CD1C: variants seen among roughly 807,000 people sequenced by gnomAD.
CD1C encodes the protein CD1c molecule, also known as T-cell surface glycoprotein CD1c.
In CD1C, 47 loss-of-function variants were observed where a neutral mutation model predicts 39.4. The ratio of observed to expected loss-of-function variants is 1.19; its 90% confidence interval spans 0.94 to 1.52. The LOEUF (loss-of-function observed/expected upper bound fraction) is 1.52. Ranked by LOEUF, CD1C falls within the 40% of genes most tolerant of loss-of-function variation. CD1C has a pLI of 0.00. For synonymous variants in CD1C, 165 were observed against 150.8 expected (o/e 1.09, Z -0.69); for missense variants, 417 against 395.2 (o/e 1.06, Z -0.47).
chr1:158,291,962 T>C, intron 2 of CD1C, 122 bp from the exon 3 acceptor site: 4 of 920,676 alleles, frequency 4.3e-6, no homozygotes, highest in Non-Finnish European at 6.6e-6. Flanking sequence ...AATATGTCTT[T>C]GGCTCACTCT....
chr1:158,290,172 G>T (rs1362001422), intron 1 of CD1C, 47 bp downstream of exon 1: 1 of 1,559,306 alleles, frequency 6.4e-7, no homozygotes, highest in East Asian at 2.2e-5. Flanking sequence ...TCTGGGTAGA[G>T]TGTGCTGGGC....
At position 158,292,694 on chromosome 1, in the gene CD1C, G is replaced by T. The variant is rs768221526; in HGVS notation, c.709G>T (p.Val237Leu). The change falls in exon 4 of 6, where the codon GTG becomes TTG. Residue 237 changes from valine (V) to leucine (L), a missense_variant. Coordinates refer to ENST00000368170, the MANE Select transcript of CD1C (RefSeq NM_001765.3). ...CGGCTTCTACCCAAAGCCTGTTTGG[G>T]TGACATGGATGCGGAATGAACAGGA... ...ASGFYPKPVW[V>L]TWMRNEQEQL... 6 of 1,614,006 alleles carry T rather than the reference G, an allele frequency of 3.7e-6. No individual in the cohort carries two copies. The highest frequency in any genetic ancestry group is 2.2e-5 in the East Asian group (1 of 44,898).
rs575932648 is a variant in CD1C, at chr1:158,292,066, A to C, written c.329-18A>C. On this transcript the variant is annotated intron_variant, in intron 2 of 5. Coordinates refer to ENST00000368170, the MANE Select transcript of CD1C (RefSeq NM_001765.3). ...CTTTTTTGTTTGAACTCTTTTTCTC[A>C]TTCCTCCCTTCCTCCAGATCCCTTT... 2.5e-6 allele frequency: 4 copies of C among 1,594,196 alleles called. No homozygotes were observed. The highest frequency in any genetic ancestry group is 2.7e-5 in the African/African-American group (2 of 73,472).
At position 158,292,654 on chromosome 1, in the gene CD1C, G is replaced by A. The variant is rs536842285; in HGVS notation, c.669G>A (p.Leu223=). 6.2e-7 allele frequency: 1 copy of A among 1,613,698 alleles called. No homozygotes were observed. The highest frequency in any genetic ancestry group is 1.1e-5 in the South Asian group (1 of 91,046). Residue 223 remains leucine (L), a synonymous_variant, in exon 4 of 6, where the codon CTG becomes CTA. Transcript: ENST00000368170. ...GCCTTGGGTCTGGCCAGCTGTTGCT[G>A]GTTTGTCATGCCTCCGGCTTCTACC... ...RPSLGSGQLL[L]VCHASGFYPK...
At position 158,294,530 on chromosome 1, in the gene CD1C, G is replaced by A. The variant is rs545814946; in HGVS notation, c.*1054G>A. ...AAAATTTTAAATAGATTTTATTGAT[G>A]TATAATTTATAGTAAAATTTGAATC... On this transcript the variant is annotated 3_prime_UTR_variant, in exon 6 of 6. Coordinates refer to ENST00000368170, the MANE Select transcript of CD1C (RefSeq NM_001765.3). Among the ~76,000 whole-genome samples the A allele has an allele frequency of 2.2e-3, 342 of 152,204 alleles. 2 individuals carry two copies. The highest frequency in any genetic ancestry group is 8.0e-3 in the African/African-American group (334 of 41,534).
At position 158,291,203 on chromosome 1, in the gene CD1C, G is replaced by A; in HGVS notation, c.131G>A (p.Gly44Asp). 3 of 1,613,816 alleles carry A rather than the reference G, an allele frequency of 1.9e-6. No individual in the cohort carries two copies. The highest frequency in any genetic ancestry group is 2.5e-6 in the Non-Finnish European group (3 of 1,179,926). ...FSFVNQSWAR[G>D]QGSGWLDELQ... ...TTTGTCAACCAATCCTGGGCACGAGGTCAGGGCTCAGGATGGCTGGACGAG... is the reference window on the plus strand; with the variant it reads ...TTTGTCAACCAATCCTGGGCACGAGATCAGGGCTCAGGATGGCTGGACGAG... The change falls in exon 2 of 6, where the codon GGT becomes GAT. Residue 44 changes from glycine to aspartate, a missense_variant. Physicochemically the swap from Gly to Asp is moderately conservative, Grantham distance 94. Coordinates refer to ENST00000368170, the MANE Select transcript of CD1C (RefSeq NM_001765.3).
Position 158,294,456 on chromosome 1 carries a change from A to G in CD1C, c.*980A>G, listed in dbSNP as rs191857977. ...TGAAGTTGCAATGTTTGCTTCCTCA[A>G]TCTGTCCATGTTTCTTTTCTATTGT... On this transcript the variant is annotated 3_prime_UTR_variant, in exon 6 of 6. Transcript: ENST00000368170. Among the ~76,000 whole-genome samples, 8 of 152,296 alleles carry G rather than the reference A, an allele frequency of 5.3e-5. No individual in the cohort carries two copies. The East Asian group carries it at 1.5e-3, about 29-fold the overall frequency.
chr1:158,291,529 T>A, intron 2 of CD1C, 129 bp downstream of exon 2: 1 of 914,106 alleles, frequency 1.1e-6, no homozygotes, highest in Non-Finnish European at 1.7e-6. Flanking sequence ...ATGAACCTTT[T>A]AAGGGATATT....
chr1:158,291,145 C>G lies in CD1C; in HGVS notation c.73C>G (p.His25Asp). 1 of 1,612,226 alleles carries G rather than the reference C, an allele frequency of 6.2e-7. No homozygotes were observed. The highest frequency in any genetic ancestry group is 8.5e-7 in the Non-Finnish European group (1 of 1,179,180). Residue 25 changes from histidine (H) to aspartate (D), a missense_variant, in exon 2 of 6, where the codon CAC becomes GAC. Coordinates refer to ENST00000368170, the MANE Select transcript of CD1C (RefSeq NM_001765.3). Reference sequence around the variant, plus strand: ...TCTTCCACCAAAAGCATCCCAGGAACACGTCTCCTTCCATGTCATCCAGAT... The same window carrying G: ...TCTTCCACCAAAAGCATCCCAGGAAGACGTCTCCTTCCATGTCATCCAGAT... ...GGDNADASQEHVSFHVIQIFS... is the reference protein window; with the variant it reads ...GGDNADASQEDVSFHVIQIFS...
chr1:158,293,362 C>T (rs1651122101), intron 5 of CD1C, 60 bp downstream of exon 5: 4 of 1,591,536 alleles, frequency 2.5e-6, no homozygotes, highest in Middle Eastern at 1.7e-4. Flanking sequence ...CCATTTTTCA[C>T]TCTCTTAGCT....
At chr1:158,293,145 T>C in intron 4 of CD1C, 67 bp from the exon 5 acceptor site, 1 of 1,246,188 alleles carries the variant, frequency 8.0e-7, no homozygotes, top group Non-Finnish European at 1.2e-6. Context: ...AGTAAGGAAA[T>C]CAATAGATGG....
Position 158,293,205 on chromosome 1 carries a change from T to A in CD1C, c.890-7T>A, listed in dbSNP as rs756738151. ...ATGGCATCCATGTATCTTTCCAATA[T>A]GTGCAGGACACCACTTTTCCATGAA... On this transcript the variant is annotated splice_polypyrimidine_tract_variant and splice_region_variant and intron_variant, in intron 4 of 5. Coordinates refer to ENST00000368170, the MANE Select transcript of CD1C (RefSeq NM_001765.3). 6.2e-7 allele frequency: 1 copy of A among 1,603,078 alleles called. No homozygotes were observed. Among genetic ancestry groups the A allele is most frequent in the Non-Finnish European group, 8.5e-7 (1 of 1,173,040 alleles).
chr1:158,290,521 G>T (rs933994075), intron 1 of CD1C, among the ~76,000 whole-genome samples: 1 of 152,190 alleles, frequency 6.6e-6, no homozygotes, highest in Non-Finnish European at 1.5e-5. Context: ...ATAAGATGGA[G>T]CTTAGTGGGA....
chr1:158,291,210 C>T lies in CD1C; in HGVS notation c.138C>T (p.Gly46=). The T allele has an allele frequency of 6.2e-7, 1 of 1,613,960 alleles. No homozygotes were observed. The change falls in exon 2 of 6, where the codon GGC becomes GGT. Residue 46 remains glycine (G), a synonymous_variant. Transcript: ENST00000368170. ...FVNQSWARGQ[G]SGWLDELQTH... The stretch of plus-strand genomic sequence containing the variant: ...ACCAATCCTGGGCACGAGGTCAGGG[C>T]TCAGGATGGCTGGACGAGTTGCAGA...
In CD1C at chr1:158,292,328, T is replaced by C. The variant is rs548847032; in HGVS notation, c.573T>C (p.Gly191=). ...IRSTCPRFLL[G]LLDAGKMYVH... is the part of the protein sequence containing the mutation. Reference sequence around the variant, plus strand: ...GCACTTGCCCCCGATTTCTCTTGGGTCTCCTGGATGCAGGGAAGATGTATG... The same window carrying C: ...GCACTTGCCCCCGATTTCTCTTGGGCCTCCTGGATGCAGGGAAGATGTATG... Residue 191 remains glycine (G), a synonymous_variant, in exon 3 of 6, where the codon GGT becomes GGC. Transcript: ENST00000368170. 9 of 1,614,004 alleles carry C rather than the reference T, an allele frequency of 5.6e-6. No individual in the cohort carries two copies. The highest frequency in any genetic ancestry group is 7.6e-6 in the Non-Finnish European group (9 of 1,180,018).
At chr1:158,293,403 A>T in intron 5 of CD1C, 52 bp from the exon 6 acceptor site, 3 of 1,605,506 alleles carry the variant, frequency 1.9e-6, no homozygotes, top group Non-Finnish European at 2.6e-6. Context: ...CCTTATCCTC[A>T]GTTACCACCT....
In CD1C at chr1:158,290,047, G is replaced by T; in HGVS notation, c.-18G>T. The T allele has an allele frequency of 6.2e-7, 1 of 1,613,216 alleles. No individual in the cohort carries two copies. Among genetic ancestry groups the T allele is most frequent in the South Asian group, 1.1e-5 (1 of 91,016 alleles). On this transcript the variant is annotated 5_prime_UTR_variant, in exon 1 of 6. Coordinates refer to ENST00000368170, the MANE Select transcript of CD1C (RefSeq NM_001765.3). The stretch of plus-strand genomic sequence containing the variant: ...CAGCAAACAGCTTTTCTGAGAGAAA[G>T]AAACATCTGCAAATGACATGCTGTT...
At chr1:158,290,841 T>A (rs1651008827) in intron 1 of CD1C, among the ~76,000 whole-genome samples, 1 of 152,150 alleles carries the variant, frequency 6.6e-6, no homozygotes, top group Admixed American at 6.5e-5. Flanking sequence ...AGTATGAACA[T>A]CTCTGTCAGC....
rs1275183793 is a variant in CD1C at position 158,292,344 on chromosome 1, A to G, written c.589A>G (p.Lys197Glu). Residue 197 changes from lysine (K) to glutamate (E), a missense_variant, in exon 3 of 6, where the codon AAG becomes GAG. Physicochemically the swap from Lys to Glu is moderately conservative, Grantham distance 56. Coordinates refer to ENST00000368170, the MANE Select transcript of CD1C (RefSeq NM_001765.3). ...RFLLGLLDAG[K>E]MYVHRQVRPE... ...TCTCTTGGGTCTCCTGGATGCAGGGAAGATGTATGTACACAGGCAAGGTCA... is the reference window on the plus strand; with the variant it reads ...TCTCTTGGGTCTCCTGGATGCAGGGGAGATGTATGTACACAGGCAAGGTCA... The G allele has an allele frequency of 1.9e-6, 3 of 1,613,986 alleles. No homozygotes were observed. The highest frequency in any genetic ancestry group is 2.5e-6 in the Non-Finnish European group (3 of 1,179,988).
Sources: gnomAD v4.1 joint callset for allele counts (sites outside exome capture counted in the v4.1 genomes callset) on GRCh38, gnomAD v4.1.1 for gene constraint, MANE v1.5 for transcripts, NCBI Gene and HGNC (gene_info 2026-07-23, HGNC 2026-07-21) for gene names.